The following UGT2B7 variants were observed in gnomAD, a reference collection of about 807,000 sequenced individuals.
The protein encoded by UGT2B7 is UDP-glucuronosyltransferase 2B7.
A neutral mutation model predicts 51.9 loss-of-function variants in UGT2B7; 51 were observed. That is an observed-to-expected ratio of 0.98 (90% CI 0.78 to 1.24). The LOEUF (loss-of-function observed/expected upper bound fraction) is 1.24, where lower values mean the gene tolerates loss of function less well. UGT2B7 is among the 50% of genes most tolerant of loss of function. The pLI, the probability that UGT2B7 is intolerant of heterozygous loss-of-function variation, is 0.00. For synonymous variants in UGT2B7, 225 were observed against 211.6 expected, an observed-to-expected ratio of 1.06 and a Z score of -0.55; for missense variants, 727 against 628.4, an observed-to-expected ratio of 1.16 and a Z score of -1.68.
chr4:69,096,854 G>A lies in UGT2B7; in HGVS notation c.334G>A (p.Val112Ile), dbSNP rs373954369. 5 of 1,613,524 alleles carry A rather than the reference G, an allele frequency of 3.1e-6. No individual in the cohort carries two copies. In the African/African-American group the frequency reaches 6.7e-5, roughly 22 times the overall value. The change falls in exon 1 of 6, where the codon GTA (valine) becomes ATA (isoleucine). Residue 112 changes from valine (V) to isoleucine (I), a missense_variant. Coordinates refer to ENST00000305231, the MANE Select transcript of UGT2B7 (RefSeq NM_001074.4). Reference protein sequence around the residue: ...KDTFWLYFSQVQEIMSIFGDI... With the variant: ...KDTFWLYFSQIQEIMSIFGDI... ...TACATTTTGGTTATATTTTTCACAAGTACAGGAAATCATGTCAATATTTGG... is the reference window on the plus strand; with the variant it reads ...TACATTTTGGTTATATTTTTCACAAATACAGGAAATCATGTCAATATTTGG...
chr4:69,078,258 T>G (rs575451432), intron 1 of UGT2B7, among the ~76,000 whole-genome samples: 4 of 152,184 alleles, frequency 2.6e-5, no homozygotes, highest in Non-Finnish European at 5.9e-5. Context: ...CCTGAAATTT[T>G]CTTTTCTTGT....
chr4:69,108,632 C>A (rs1436882627), intron 5 of UGT2B7, among the ~76,000 whole-genome samples: 2 of 151,718 alleles, frequency 1.3e-5, no homozygotes, highest in Admixed American at 1.3e-4. Flanking sequence ...GAAGAATAAA[C>A]CTGAAATAAT....
chr4:69,073,193 C>T (rs1363715494), intron 1 of UGT2B7, among the ~76,000 whole-genome samples: 2 of 152,140 alleles, frequency 1.3e-5, no homozygotes, highest in Non-Finnish European at 2.9e-5. Context: ...CCACTCTATT[C>T]ATACTCCCAA....
intron 1 of UGT2B7, among the ~76,000 whole-genome samples, chr4:69,062,213 C>T (rs1384922050): frequency 6.6e-6 from 1 of 152,110 alleles, no homozygotes; most frequent in Non-Finnish European, 1.5e-5. Context: ...TGGTCTTTCT[C>T]CAAGTCAGGT....
In UGT2B7 at chr4:69,084,472, T is replaced by C. The variant is rs1052631664; in HGVS notation, c.-158-5000T>C. On this transcript the variant is annotated intron_variant, in intron 1 of 5. Transcript: ENST00000502942. ...ATGGATTAATTTTTTAATTATACTTTAAGTTCTTGGATACATGTGCAGAAC... is the reference window on the plus strand; with the variant it reads ...ATGGATTAATTTTTTAATTATACTTCAAGTTCTTGGATACATGTGCAGAAC... 1.1e-4 allele frequency among the ~76,000 whole-genome samples: 16 copies of C among 152,254 alleles called. No individual in the cohort carries two copies. The East Asian group carries it at 2.3e-3, about 22-fold the overall frequency.
At chr4:69,086,932 T>A (rs1718973057) in intron 1 of UGT2B7, among the ~76,000 whole-genome samples, 1 of 151,962 alleles carries the variant, frequency 6.6e-6, no homozygotes, top group Non-Finnish European at 1.5e-5. Context: ...ACTCTATGTC[T>A]TTTACTTGGA....
At chr4:69,066,239 G>T (rs1267091988) in intron 1 of UGT2B7, among the ~76,000 whole-genome samples, 4 of 152,124 alleles carry the variant, frequency 2.6e-5, no homozygotes, top group African/African-American at 7.2e-5. Context: ...TGTCATGGGG[G>T]TTTGTTTTAC....
intron 1 of UGT2B7, among the ~76,000 whole-genome samples, chr4:69,078,025 T>C (rs1467447460): frequency 2.6e-5 from 4 of 152,212 alleles, no homozygotes; most frequent in African/African-American, 9.6e-5. Context: ...TTTCTGGATC[T>C]ATTGAGACAA....
intron 3 of UGT2B7, among the ~76,000 whole-genome samples, chr4:69,103,959 G>T (rs891906522): frequency 2.0e-5 from 3 of 152,074 alleles, no homozygotes; most frequent in African/African-American, 7.2e-5. Context: ...AGGAGTAGGG[G>T]ACTAAGGAGA....
chr4:69,097,027 G>T lies in UGT2B7; in HGVS notation c.507G>T (p.Val169=), dbSNP rs777627018. The T allele has an allele frequency of 6.2e-7, 1 of 1,613,796 alleles. No individual in the cohort carries two copies. The highest frequency in any genetic ancestry group is 1.7e-5 in the Admixed American group (1 of 59,982). Residue 169 remains valine, a synonymous_variant, in exon 1 of 6, where the codon GTG becomes GTT. Transcript: ENST00000305231. ...LLAELFNIPF[V]YSLSFSPGYT... is the part of the protein sequence containing the mutation. ...CTGAGCTATTTAACATACCCTTTGT[G>T]TACAGTCTCAGCTTCTCTCCTGGCT...
Position 69,112,942 on chromosome 4 carries a change from C to T in UGT2B7, c.*206C>T. ...GTTCATGGTTAGAAATATTTTGTGG[C>T]AATGAAGAAAACACTACGGAAAATA... On this transcript the variant is annotated 3_prime_UTR_variant, in exon 6 of 6. Coordinates refer to ENST00000305231, the MANE Select transcript of UGT2B7 (RefSeq NM_001074.4). 1.4e-6 allele frequency: 1 copy of T among 710,838 alleles called. No individual in the cohort carries two copies. The highest frequency in any genetic ancestry group is 2.1e-6 in the Non-Finnish European group (1 of 485,248). 44.0% of individuals were successfully genotyped at this position (710,838 alleles called of 1,614,324 possible).
At chr4:69,066,732 T>C (rs1225865958) in intron 1 of UGT2B7, among the ~76,000 whole-genome samples, 1 of 152,144 alleles carries the variant, frequency 6.6e-6, no homozygotes, top group African/African-American at 2.4e-5. Context: ...TTATTTCAAG[T>C]GTAGTTACCT....
At chr4:69,062,411 A>G (rs184271077) in intron 1 of UGT2B7, among the ~76,000 whole-genome samples, 107 of 152,350 alleles carry the variant, frequency 7.0e-4, no homozygotes, top group Non-Finnish European at 1.2e-3. Context: ...AAGAATGCCT[A>G]TAAGTCTGGC....
chr4:69,083,903 T>C (rs1308171881), intron 1 of UGT2B7, among the ~76,000 whole-genome samples: 1 of 152,076 alleles, frequency 6.6e-6, no homozygotes, highest in Non-Finnish European at 1.5e-5. Context: ...GGCTAGAAAT[T>C]CTAATGATAT....
chr4:69,069,221 C>T (rs1201105554), intron 1 of UGT2B7, among the ~76,000 whole-genome samples: 1 of 151,986 alleles, frequency 6.6e-6, no homozygotes, highest in Non-Finnish European at 1.5e-5. Context: ...TTGGTCAGCG[C>T]CAACTTCTTA....
chr4:69,069,402 C>A (rs1460598171), intron 1 of UGT2B7, among the ~76,000 whole-genome samples: 3 of 151,910 alleles, frequency 2.0e-5, no homozygotes, highest in Admixed American at 2.0e-4. Context: ...TATCTGATTT[C>A]AATTTCTAGG....
At chr4:69,099,109 A>G (rs2109885562) in intron 2 of UGT2B7, among the ~76,000 whole-genome samples, 1 of 152,094 alleles carries the variant, frequency 6.6e-6, no homozygotes, top group South Asian at 2.1e-4. Flanking sequence ...AGTAATAAAA[A>G]TTATATAAAA....
At chr4:69,073,880 G>A (rs1473544706) in intron 1 of UGT2B7, among the ~76,000 whole-genome samples, 1 of 152,018 alleles carries the variant, frequency 6.6e-6, no homozygotes, top group Non-Finnish European at 1.5e-5. Flanking sequence ...TCAAGCATTT[G>A]GTTTCATTTT....
intron 1 of UGT2B7, among the ~76,000 whole-genome samples, chr4:69,080,839 T>C (rs1456689611): frequency 6.6e-6 from 1 of 152,192 alleles, no homozygotes; most frequent in Non-Finnish European, 1.5e-5. Context: ...TATTTAAATA[T>C]AAACGTGAGC....
Sources: gnomAD v4.1 joint callset for allele counts (sites outside exome capture counted in the v4.1 genomes callset) on GRCh38, gnomAD v4.1.1 for gene constraint, MANE v1.5 for transcripts, NCBI Gene and HGNC (gene_info 2026-07-23, HGNC 2026-07-21) for gene names.